The following ZNF385D variants were observed in gnomAD, a reference collection of about 807,000 sequenced individuals.
ZNF385D encodes zinc finger protein 385D.
In ZNF385D, 15 loss-of-function variants were observed where a neutral mutation model predicts 35.8. The observed-to-expected ratio is 0.42, with a 90% CI of 0.28 to 0.64. The LOEUF is 0.64. Among genes scored for constraint, ZNF385D ranks in the 30% least tolerant of loss-of-function variants. The pLI is 0.23. For synonymous variants in ZNF385D, 212 were observed against 186.8 expected (o/e 1.13, Z -1.10); for missense variants, 474 against 494.6 (o/e 0.96, Z 0.39).
At chr3:22,304,978 AGT>A (rs578207327) in intron 2 of ZNF385D, among the ~76,000 whole-genome samples, 21 of 152,078 alleles carry the variant, frequency 1.4e-4, no homozygotes, top group Non-Finnish European at 2.9e-4. Flanking sequence ...ATTTTTCTAC[AGT>A]GTCAATTTTG....
At chr3:21,554,036 A>G (rs1248471313) in intron 3 of ZNF385D, among the ~76,000 whole-genome samples, 4 of 152,224 alleles carry the variant, frequency 2.6e-5, no homozygotes, top group African/African-American at 9.6e-5. Flanking sequence ...TAATGTGGAT[A>G]TTTTGACTTC....
chr3:21,632,671 A>G (rs2065316031), intron 2 of ZNF385D, among the ~76,000 whole-genome samples: 1 of 152,150 alleles, frequency 6.6e-6, no homozygotes, highest in South Asian at 2.1e-4. Context: ...CAAAGAAACG[A>G]CAAATGTATT....
At chr3:21,592,578 A>G (rs2064014003) in intron 2 of ZNF385D, among the ~76,000 whole-genome samples, 1 of 150,088 alleles carries the variant, frequency 6.7e-6, no homozygotes, top group African/African-American at 2.4e-5. Flanking sequence ...AAAAAAAACA[A>G]TTATTGCATT....
chr3:21,959,032 G>C (rs748868888), intron 3 of ZNF385D: 7 of 152,110 alleles, frequency 4.6e-5, no homozygotes, highest in Non-Finnish European at 1.0e-4. Flanking sequence ...CAGGTTTCTG[G>C]TATTTGTTGT....
intron 3 of ZNF385D, among the ~76,000 whole-genome samples, chr3:21,766,150 G>A (rs2125598092): frequency 6.6e-6 from 1 of 152,146 alleles, no homozygotes; most frequent in South Asian, 2.1e-4. Context: ...TGATAACAAT[G>A]GTTTCTGCAG....
chr3:21,850,561 G>C (rs564419004), intron 3 of ZNF385D, among the ~76,000 whole-genome samples: 9 of 152,218 alleles, frequency 5.9e-5, no homozygotes, highest in East Asian at 1.9e-4. Context: ...GCATTTGGCT[G>C]AATGCTAAAT....
At chr3:22,296,843 C>A (rs1702611343) in intron 2 of ZNF385D, among the ~76,000 whole-genome samples, 1 of 152,120 alleles carries the variant, frequency 6.6e-6, no homozygotes, top group East Asian at 1.9e-4. Flanking sequence ...GCCAGATGTT[C>A]TTAAGCCTTA....
chr3:22,254,383 G>A (rs1193025537), intron 2 of ZNF385D, among the ~76,000 whole-genome samples: 2 of 151,862 alleles, frequency 1.3e-5, no homozygotes, highest in Admixed American at 6.6e-5. Context: ...GTCCTCTCCA[G>A]TGACAGAATC....
Position 21,420,529 on chromosome 3 carries a change from A to G in ZNF385D, c.*685T>C, listed in dbSNP as rs1700688783. The G allele has an allele frequency of 6.6e-6, 1 of 152,190 alleles. No individual in the cohort carries two copies. Among genetic ancestry groups the G allele is most frequent in the Non-Finnish European group, 1.5e-5 (1 of 68,032 alleles). 9.4% of individuals were successfully genotyped at this position (152,190 alleles called of 1,614,324 possible). ...TCTTCAAGCTAGACAGGAGGGGAGA[A>G]TGCTGACCAGGGAGACCTCCATGAC... On this transcript the variant is annotated 3_prime_UTR_variant, in exon 8 of 8. Transcript: ENST00000281523.
intron 3 of ZNF385D, among the ~76,000 whole-genome samples, chr3:22,027,084 G>C (rs925169299): frequency 6.6e-6 from 1 of 152,194 alleles, no homozygotes; most frequent in East Asian, 1.9e-4. Flanking sequence ...TTTGCCTTCA[G>C]CTGGCAAGTG....
intron 3 of ZNF385D, among the ~76,000 whole-genome samples, chr3:22,143,812 T>G (rs894208721): frequency 1.3e-5 from 2 of 152,346 alleles, no homozygotes; most frequent in East Asian, 3.9e-4. Flanking sequence ...TCCAGCCCAG[T>G]AAAACTTTCT....
intron 2 of ZNF385D, among the ~76,000 whole-genome samples, chr3:22,330,973 T>C (rs1242327416): frequency 2.0e-5 from 3 of 152,210 alleles, no homozygotes; most frequent in Admixed American, 6.5e-5. Context: ...CACCTTATTG[T>C]GCTGCTACAC....
intron 3 of ZNF385D, among the ~76,000 whole-genome samples, chr3:22,123,362 T>C (rs1703212784): frequency 6.6e-6 from 1 of 152,160 alleles, no homozygotes; most frequent in South Asian, 2.1e-4. Flanking sequence ...TAGATGTATA[T>C]ATTTACGGGA....
chr3:21,417,359 C>T lies in ZNF385D; in HGVS notation c.*3855G>A, dbSNP rs1279512910. On this transcript the variant is annotated 3_prime_UTR_variant, in exon 8 of 8. Coordinates refer to ENST00000281523, the MANE Select transcript of ZNF385D (RefSeq NM_024697.3). ...GGTCAGGGACAAAGTCTACAATAGA[C>T]TCTGGCTACTCTAAGGCTCCTCATT... The T allele has an allele frequency of 1.3e-5, 2 of 152,110 alleles. No individual in the cohort carries two copies. The highest frequency in any genetic ancestry group is 2.9e-5 in the Non-Finnish European group (2 of 68,008). 9.4% of individuals were successfully genotyped at this position (152,110 alleles called of 1,614,324 possible). A position where few individuals can be genotyped will look rare whatever the true frequency, so the allele number is the denominator to read the frequency against.
intron 4 of ZNF385D, among the ~76,000 whole-genome samples, chr3:21,449,376 G>A (rs365392): frequency 0.65 from 98,082 of 152,000 alleles, 31,939 homozygotes; most frequent in African/African-American, 0.72. Flanking sequence ...TGTTACGTAA[G>A]AGTTAAATCA....
At chr3:21,786,404 G>A (rs2336050) in intron 3 of ZNF385D, among the ~76,000 whole-genome samples, 140,089 of 152,116 alleles carry the variant, frequency 0.92, 64,577 homozygotes, top group East Asian at 0.98. Context: ...TTTTTTCTTC[G>A]TTGTTTGCTT....
chr3:21,642,602 T>C (rs1316819214), intron 2 of ZNF385D, among the ~76,000 whole-genome samples: 1 of 152,166 alleles, frequency 6.6e-6, no homozygotes, highest in African/African-American at 2.4e-5. Context: ...CTTCTGAGTA[T>C]ATACTTAACA....
At chr3:21,895,267 C>T (rs1284877327) in intron 3 of ZNF385D, among the ~76,000 whole-genome samples, 1 of 141,850 alleles carries the variant, frequency 7.0e-6, no homozygotes, top group Non-Finnish European at 1.5e-5. Context: ...GAGATTCCTA[C>T]AAGTAGCTGG....
intron 3 of ZNF385D, among the ~76,000 whole-genome samples, chr3:22,164,566 G>C (rs1280209472): frequency 2.6e-5 from 4 of 151,522 alleles, no homozygotes; most frequent in Non-Finnish European, 5.9e-5. Context: ...AAAGAAAAAA[G>C]GGCAGAGGGC....
Sources: allele counts gnomAD v4.1 joint callset (sites outside exome capture counted in the v4.1 genomes callset), GRCh38; gene constraint gnomAD v4.1.1; transcripts MANE v1.5; gene names NCBI Gene and HGNC (gene_info 2026-07-23, HGNC 2026-07-21).